Variants in DRAM1 observed in about 807,000 individuals in gnomAD.
The protein encoded by DRAM1 is DNA damage-regulated autophagy modulator protein 1.
Under a neutral mutation model 28.5 loss-of-function variants are expected in DRAM1, and 25 were observed. The observed-to-expected ratio is 0.88, with a 90% CI of 0.64 to 1.23. The LOEUF (loss-of-function observed/expected upper bound fraction) is 1.23, where lower values mean the gene tolerates loss of function less well. DRAM1 is among the 50% of genes most tolerant of loss of function. The pLI is 0.00. For synonymous variants in DRAM1, 113 were observed against 114.2 expected, an observed-to-expected ratio of 0.99 and a Z score of 0.07; for missense variants, 249 against 299.2, an observed-to-expected ratio of 0.83 and a Z score of 1.24.
chr12:101,883,271 A>G (rs10778155), intron 1 of DRAM1, among the ~76,000 whole-genome samples: 94,149 of 149,420 alleles, frequency 0.63, 31,622 homozygotes, highest in East Asian at 0.89. Context: ...GAAAAAGGAT[A>G]ATTATAAGGC....
chr12:101,890,227 T>C (rs1873059306), intron 1 of DRAM1: 1 of 337,786 alleles, frequency 3.0e-6, no homozygotes, highest in East Asian at 9.9e-5. Context: ...TACAGGTATG[T>C]GCCACCACGC....
intron 1 of DRAM1, among the ~76,000 whole-genome samples, chr12:101,893,181 G>A (rs1315894219): frequency 6.6e-6 from 1 of 152,212 alleles, no homozygotes; most frequent in Non-Finnish European, 1.5e-5. Context: ...GCATAATGAT[G>A]TCTTCTCATC....
chr12:101,903,111 G>A (rs1443174778), intron 3 of DRAM1, among the ~76,000 whole-genome samples: 53 of 152,034 alleles, frequency 3.5e-4, no homozygotes, highest in Admixed American at 3.5e-3. Context: ...TAGAGATAGG[G>A]TTTCCCCATG....
chr12:101,912,842 T>C (rs1218062280), intron 4 of DRAM1, among the ~76,000 whole-genome samples: 1 of 151,698 alleles, frequency 6.6e-6, no homozygotes, highest in Non-Finnish European at 1.5e-5. Flanking sequence ...ATTCTCCTGC[T>C]TCAGCCTCCC....
intron 1 of DRAM1, among the ~76,000 whole-genome samples, chr12:101,883,413 CA>C (rs1399400625): frequency 6.7e-6 from 1 of 149,962 alleles, no homozygotes; most frequent in Non-Finnish European, 1.5e-5. Flanking sequence ...CTCCCGGGTT[CA>C]AGCGATTCTC....
Position 101,901,559 on chromosome 12 carries a change from G to A in DRAM1, c.342+126G>A, listed in dbSNP as rs932971772. 5 of 1,201,602 alleles carry A rather than the reference G, an allele frequency of 4.2e-6. No homozygotes were observed. The South Asian group carries it at 7.8e-5, about 19-fold the overall frequency. 74.4% of individuals were successfully genotyped at this position (1,201,602 alleles called of 1,614,324 possible). A position where few individuals can be genotyped will look rare whatever the true frequency, so the allele number is the denominator to read the frequency against. ...TAAATGCTTGATGAGTTTACAATAAGTGGGTTAGTTTGCTTTTTAGAAACC... is the reference window on the plus strand; with the variant it reads ...TAAATGCTTGATGAGTTTACAATAAATGGGTTAGTTTGCTTTTTAGAAACC... On this transcript the variant is annotated intron_variant, in intron 3 of 6. Coordinates refer to ENST00000258534, the MANE Select transcript of DRAM1 (RefSeq NM_018370.3).
chr12:101,877,895 G>A lies in DRAM1; in HGVS notation c.106G>A (p.Val36Ile). 6.5e-7 allele frequency: 1 copy of A among 1,542,258 alleles called. No homozygotes were observed. The highest frequency in any genetic ancestry group is 8.8e-7 in the Non-Finnish European group (1 of 1,141,588). ...SYVVAVLSGHVNPFLPYISDT... is the reference protein window; with the variant it reads ...SYVVAVLSGHINPFLPYISDT... ...CGTGGTCGCCGTGCTCTCCGGGCAC[G>A]TCAACCCCTTCCTCCCGTATATCAG... Residue 36 changes from valine to isoleucine, a missense_variant, in exon 1 of 7, where the codon GTC becomes ATC. Physicochemically the swap from Val to Ile is conservative, Grantham distance 29 (BLOSUM62 3). This residue lies in a region of DRAM1 where 218 missense variants were observed against 243.1 expected (regional missense o/e 0.90). Transcript: ENST00000258534. This position sits in a 1 kb window ranked among gnomAD's most constrained non-coding sequence, Gnocchi z 4.1.
At chr12:101,917,896 T>C (rs1012804781) in intron 5 of DRAM1, among the ~76,000 whole-genome samples, 1 of 152,150 alleles carries the variant, frequency 6.6e-6, no homozygotes, top group Non-Finnish European at 1.5e-5. Flanking sequence ...GCAGTTCAGG[T>C]GTACTTTACT....
chr12:101,891,219 T>C (rs541273615), intron 1 of DRAM1, among the ~76,000 whole-genome samples: 13 of 152,178 alleles, frequency 8.5e-5, no homozygotes, highest in Non-Finnish European at 1.5e-4. Context: ...CTCTTTATAC[T>C]GGGGAATTAT....
intron 2 of DRAM1, among the ~76,000 whole-genome samples, chr12:101,900,300 A>G (rs1873551325): frequency 6.6e-6 from 1 of 152,254 alleles, no homozygotes; most frequent in South Asian, 2.1e-4. Flanking sequence ...TATTTTTTAA[A>G]CCTTGGAATA....
At chr12:101,901,180 T>A in intron 2 of DRAM1, 111 bp from the exon 3 acceptor site, 1 of 1,202,978 alleles carries the variant, frequency 8.3e-7, no homozygotes, top group South Asian at 1.5e-5. Context: ...GGTGGGAAAG[T>A]GGGGAGACTT....
chr12:101,914,909 C>A (rs749781898), intron 5 of DRAM1, among the ~76,000 whole-genome samples: 15 of 151,834 alleles, frequency 9.9e-5, no homozygotes, highest in Non-Finnish European at 1.8e-4. Flanking sequence ...CCCCCCGTCT[C>A]GGCCTCCCAA....
intron 5 of DRAM1, among the ~76,000 whole-genome samples, chr12:101,917,967 G>A (rs1874323318): frequency 6.6e-6 from 1 of 152,182 alleles, no homozygotes; most frequent in South Asian, 2.1e-4. Flanking sequence ...GCTTATCGAA[G>A]TATATTCCCA....
intron 3 of DRAM1, among the ~76,000 whole-genome samples, chr12:101,903,431 C>T (rs1043024180): frequency 2.6e-5 from 4 of 152,092 alleles, no homozygotes; most frequent in African/African-American, 9.7e-5. Flanking sequence ...AAGCCAGTCA[C>T]AGAGGGACAA....
In DRAM1 at chr12:101,877,812, T is replaced by A; in HGVS notation, c.23T>A (p.Met8Lys). Residue 8 changes from methionine (M) to lysine (K), a missense_variant, in exon 1 of 7, where the codon ATG becomes AAG. By Grantham distance (95) the Met-to-Lys change is moderately conservative. This residue lies in a region of DRAM1 where 218 missense variants were observed against 243.1 expected (regional missense o/e 0.90). Coordinates refer to ENST00000258534, the MANE Select transcript of DRAM1 (RefSeq NM_018370.3). The surrounding 1 kb of genome is among the most constrained non-coding windows in gnomAD (Gnocchi z 4.1). Reference sequence around the variant, plus strand: ...GCGATGCTGTGCTTCCTGAGGGGAATGGCTTTCGTCCCCTTCCTCTTGGTG... The same window carrying A: ...GCGATGCTGTGCTTCCTGAGGGGAAAGGCTTTCGTCCCCTTCCTCTTGGTG... MLCFLRG[M>K]AFVPFLLVTW... 6.5e-7 allele frequency: 1 copy of A among 1,540,652 alleles called. No individual in the cohort carries two copies. Among genetic ancestry groups the A allele is most frequent in the Non-Finnish European group, 8.8e-7 (1 of 1,141,932 alleles).
rs1326542050 is a variant in DRAM1 at position 101,921,497 on chromosome 12, T to C, written c.*237T>C. 12 of 358,484 alleles carry C rather than the reference T, an allele frequency of 3.3e-5. No individual in the cohort carries two copies. The highest frequency in any genetic ancestry group is 5.0e-5 in the Non-Finnish European group (10 of 201,126). The allele number at this position is 358,484 out of a possible 1,614,324, so 22.2% of individuals were successfully genotyped here. On this transcript the variant is annotated 3_prime_UTR_variant, in exon 7 of 7. Coordinates refer to ENST00000258534, the MANE Select transcript of DRAM1 (RefSeq NM_018370.3). Reference sequence around the variant, plus strand: ...TTATAATTTTCTAAGTAGATTTTTTTATATTAACAAATTCATATACAGAAA... The same window carrying C: ...TTATAATTTTCTAAGTAGATTTTTTCATATTAACAAATTCATATACAGAAA...
At chr12:101,919,312 G>GTT (rs375444005) in intron 5 of DRAM1, among the ~76,000 whole-genome samples, 1 of 151,290 alleles carries the variant, frequency 6.6e-6, no homozygotes, top group Non-Finnish European at 1.5e-5. Flanking sequence ...ACACGGTTTT[G>GTT]TTTTTTTAAA....
intron 3 of DRAM1, among the ~76,000 whole-genome samples, chr12:101,905,470 C>G (rs998191047): frequency 6.6e-6 from 1 of 151,716 alleles, no homozygotes; most frequent in Non-Finnish European, 1.5e-5. Flanking sequence ...TTTGCAGAGA[C>G]AGTGTTTCAC....
chr12:101,898,963 T>C (rs1873490691), intron 2 of DRAM1, among the ~76,000 whole-genome samples: 1 of 152,230 alleles, frequency 6.6e-6, no homozygotes, highest in Non-Finnish European at 1.5e-5. Flanking sequence ...TTCAAGTATA[T>C]AGATATCAGA....
Sources: gnomAD v4.1 joint callset for allele counts (sites outside exome capture counted in the v4.1 genomes callset) on GRCh38, gnomAD v4.1.1 for gene constraint, gnomAD v4.1.1 regional missense constraint, Gnocchi (gnomAD v3.1) non-coding constraint, MANE v1.5 for transcripts, NCBI Gene and HGNC (gene_info 2026-07-23, HGNC 2026-07-21) for gene names.